Variants in CDH12 observed in about 807,000 individuals in gnomAD.
CDH12 encodes the protein cadherin-12.
CDH12 carries 41 observed loss-of-function variants against 74.1 expected under a neutral mutation model. The ratio of observed to expected loss-of-function variants is 0.55; its 90% confidence interval spans 0.43 to 0.72. The LOEUF (loss-of-function observed/expected upper bound fraction) is 0.72. Among genes scored for constraint, CDH12 ranks in the 30% least tolerant of loss-of-function variants. CDH12 has a pLI of 0.00. For missense variants in CDH12, 945 were observed against 977.2 expected, an observed-to-expected ratio of 0.97 and a Z score of 0.44; for synonymous variants, 399 against 355.0, an observed-to-expected ratio of 1.12 and a Z score of -1.39.
At chr5:22,453,616 G>T (rs1201150023) in intron 2 of CDH12, among the ~76,000 whole-genome samples, 2 of 152,056 alleles carry the variant, frequency 1.3e-5, no homozygotes, top group African/African-American at 2.4e-5. Flanking sequence ...TTGGTTAATA[G>T]GTACAAAGTT....
At chr5:22,499,157 G>A (rs1367764431) in intron 2 of CDH12, among the ~76,000 whole-genome samples, 6 of 151,278 alleles carry the variant, frequency 4.0e-5, no homozygotes, top group South Asian at 4.2e-4. Flanking sequence ...CAAGTGATCC[G>A]CCTGTCTTGG....
intron 3 of CDH12, among the ~76,000 whole-genome samples, chr5:22,222,539 A>T: frequency 6.6e-6 from 1 of 151,796 alleles, no homozygotes; most frequent in East Asian, 1.9e-4. Context: ...AGAATGAGTT[A>T]TTTTTTTCTT....
chr5:22,047,365 G>T (rs1304687135), intron 5 of CDH12, among the ~76,000 whole-genome samples: 1 of 151,616 alleles, frequency 6.6e-6, no homozygotes, highest in Non-Finnish European at 1.5e-5. Flanking sequence ...GTTTAATTTT[G>T]TTTTTGCTAC....
chr5:22,519,260 T>G (rs1004926594), intron 1 of CDH12, among the ~76,000 whole-genome samples: 1 of 152,234 alleles, frequency 6.6e-6, no homozygotes, highest in African/African-American at 2.4e-5. Context: ...TATGTTTTTT[T>G]AAAAGTATCT....
chr5:22,619,503 C>T (rs571415209), intron 1 of CDH12, among the ~76,000 whole-genome samples: 38 of 152,040 alleles, frequency 2.5e-4, no homozygotes, highest in African/African-American at 8.7e-4. Context: ...TTTTGTAACT[C>T]GTATTACCTG....
intron 8 of CDH12, among the ~76,000 whole-genome samples, chr5:21,818,258 A>C (rs1360639012): frequency 1.3e-4 from 2 of 14,836 alleles, no homozygotes; most frequent in Non-Finnish European, 1.5e-4. Flanking sequence ...TCGTTTTAGA[A>C]TTTTAGTTAC....
Position 22,604,660 on chromosome 5 carries a change from C to A in CDH12, c.-522-99296G>T, listed in dbSNP as rs187001573. On this transcript the variant is annotated intron_variant, in intron 1 of 14. Coordinates refer to ENST00000382254, the MANE Select transcript of CDH12 (RefSeq NM_004061.5). ...CTTCATTAAAGATAAAAGCACCAACCAACATGCTCTCATGTTGTGGGCCAA... is the reference window on the plus strand; with the variant it reads ...CTTCATTAAAGATAAAAGCACCAACAAACATGCTCTCATGTTGTGGGCCAA... Among the ~76,000 whole-genome samples, 14 of 152,224 alleles carry A rather than the reference C, an allele frequency of 9.2e-5. No individual in the cohort carries two copies. The East Asian group carries it at 1.7e-3, about 19-fold the overall frequency.
intron 4 of CDH12, among the ~76,000 whole-genome samples, chr5:22,138,361 T>A (rs11951155): frequency 0.94 from 142,858 of 151,580 alleles, 67,402 homozygotes; most frequent in East Asian, 1. Flanking sequence ...AATATAAAAT[T>A]TAGAAAGATT....
chr5:22,849,675 A>G (rs1011793784), intron 1 of CDH12, among the ~76,000 whole-genome samples: 4 of 152,130 alleles, frequency 2.6e-5, no homozygotes, highest in Admixed American at 6.5e-5. Flanking sequence ...CCTAATGGGT[A>G]TCGGTGTACA....
chr5:22,204,624 TACAC>T (rs1231943508), intron 4 of CDH12, among the ~76,000 whole-genome samples: 2 of 152,222 alleles, frequency 1.3e-5, no homozygotes, highest in Non-Finnish European at 2.9e-5. Context: ...TCGCACCTCT[TACAC>T]AGGCATCAAT....
chr5:22,416,675 A>G (rs1045589667), intron 2 of CDH12, among the ~76,000 whole-genome samples: 3 of 152,188 alleles, frequency 2.0e-5, no homozygotes, highest in Non-Finnish European at 2.9e-5. Context: ...AAATAAGATT[A>G]GTATTACACT....
At chr5:22,699,837 C>T (rs929417872) in intron 1 of CDH12, among the ~76,000 whole-genome samples, 3 of 151,984 alleles carry the variant, frequency 2.0e-5, no homozygotes, top group Admixed American at 6.6e-5. Flanking sequence ...AGGGATAGTT[C>T]GGTGAATCAT....
chr5:21,867,971 G>C (rs1751418776), intron 6 of CDH12, among the ~76,000 whole-genome samples: 1 of 152,146 alleles, frequency 6.6e-6, no homozygotes, highest in Non-Finnish European at 1.5e-5. Context: ...CACAGGGGCA[G>C]TTTCCCCCAT....
chr5:21,816,996 A>G lies in CDH12; in HGVS notation c.951T>C (p.Phe317=). Residue 317 remains phenylalanine (F), a synonymous_variant, in exon 9 of 15, where the codon TTT becomes TTC. Transcript: ENST00000382254. ...NIVPGDGGNL[F]DIVTDEDTQE... is the part of the protein sequence containing the mutation. Reference sequence around the variant, plus strand: ...GTGTATCCTCATCTGTGACGATGTCAAACAAATTTCCCCCATCTCCTGGAA... The same window carrying G: ...GTGTATCCTCATCTGTGACGATGTCGAACAAATTTCCCCCATCTCCTGGAA... The G allele has an allele frequency of 6.2e-7, 1 of 1,612,790 alleles. No individual in the cohort carries two copies.
chr5:21,864,885 G>T (rs529674841), intron 6 of CDH12, among the ~76,000 whole-genome samples: 277 of 152,294 alleles, frequency 1.8e-3, no homozygotes, highest in African/African-American at 6.4e-3. Flanking sequence ...AGCAGTAAGG[G>T]TTGTTCTTAT....
intron 1 of CDH12, among the ~76,000 whole-genome samples, chr5:22,663,811 G>T (rs1159026296): frequency 8.3e-6 from 1 of 120,776 alleles, no homozygotes; most frequent in Admixed American, 9.3e-5. Context: ...CATGATATAA[G>T]AATTATTTTA....
chr5:22,081,358 G>T (rs1387818765), intron 4 of CDH12, among the ~76,000 whole-genome samples: 1 of 151,938 alleles, frequency 6.6e-6, no homozygotes. Flanking sequence ...TTTCTCATTT[G>T]TTTTTAAGTT....
At chr5:21,867,036 G>A (rs1751363955) in intron 6 of CDH12, among the ~76,000 whole-genome samples, 1 of 152,146 alleles carries the variant, frequency 6.6e-6, no homozygotes, top group Admixed American at 6.5e-5. Context: ...ACATGGTATT[G>A]AGCCTGCCAG....
intron 1 of CDH12, among the ~76,000 whole-genome samples, chr5:22,704,779 A>C (rs771684514): frequency 6.6e-6 from 1 of 152,040 alleles, no homozygotes; most frequent in African/African-American, 2.4e-5. Flanking sequence ...CTATATTATC[A>C]TACGTGTGGT....
Sources: allele counts gnomAD v4.1 joint callset (sites outside exome capture counted in the v4.1 genomes callset), GRCh38; gene constraint gnomAD v4.1.1; transcripts MANE v1.5; gene names NCBI Gene and HGNC (gene_info 2026-07-23, HGNC 2026-07-21).